Variants in TAFA2 observed in about 807,000 individuals in gnomAD.
The protein encoded by TAFA2 is chemokine-like protein TAFA-2.
A neutral mutation model predicts 18.8 loss-of-function variants in TAFA2; 7 were observed. That is an observed-to-expected ratio of 0.37 (90% CI 0.21 to 0.70). The LOEUF (loss-of-function observed/expected upper bound fraction) is 0.70. TAFA2 is among the 30% of genes least tolerant of loss of function. The pLI, the probability that TAFA2 is intolerant of heterozygous loss-of-function variation, is 0.53. For missense variants in TAFA2, 122 were observed against 158.1 expected (o/e 0.77, Z 1.23); for synonymous variants, 60 against 54.2 (o/e 1.11, Z -0.47).
intron 1 of TAFA2, among the ~76,000 whole-genome samples, chr12:61,874,123 T>C (rs897136556): frequency 2.0e-5 from 3 of 152,188 alleles, no homozygotes; most frequent in African/African-American, 4.8e-5. Context: ...AGGCACATTA[T>C]GTGTGTCAGA....
chr12:61,853,054 C>G (rs1873739839), intron 2 of TAFA2, among the ~76,000 whole-genome samples: 1 of 152,094 alleles, frequency 6.6e-6, no homozygotes, highest in Non-Finnish European at 1.5e-5. Context: ...AGTGTGCTTA[C>G]CATACACAAA....
chr12:61,714,852 T>TTGAAC (rs1565746883), intron 4 of TAFA2, among the ~76,000 whole-genome samples: 1 of 152,198 alleles, frequency 6.6e-6, no homozygotes, highest in Non-Finnish European at 1.5e-5. Flanking sequence ...TCCTGCTGAC[T>TTGAAC]AGGTTATCCG....
At chr12:62,094,294 G>T (rs2136839152) in intron 1 of TAFA2, among the ~76,000 whole-genome samples, 1 of 152,068 alleles carries the variant, frequency 6.6e-6, no homozygotes, top group Middle Eastern at 3.4e-3. Context: ...AGGATGAAAA[G>T]GCCTAAGAAT....
chr12:61,937,019 C>A (rs1877796693), intron 1 of TAFA2, among the ~76,000 whole-genome samples: 1 of 152,024 alleles, frequency 6.6e-6, no homozygotes, highest in African/African-American at 2.4e-5. Flanking sequence ...CAACAATAAC[C>A]AAGCTGAGAA....
intron 2 of TAFA2, among the ~76,000 whole-genome samples, chr12:61,787,068 A>C (rs1870769251): frequency 6.6e-6 from 1 of 151,548 alleles, no homozygotes; most frequent in Non-Finnish European, 1.5e-5. Flanking sequence ...AAAGAGATGA[A>C]AAGATTAGAT....
At chr12:61,944,373 C>T (rs1252667091) in intron 1 of TAFA2, among the ~76,000 whole-genome samples, 1 of 143,986 alleles carries the variant, frequency 6.9e-6, no homozygotes, top group Non-Finnish European at 1.5e-5. Flanking sequence ...AAATTGACAC[C>T]CTAACATCAC....
intron 1 of TAFA2, chr12:62,104,901 C>T: frequency 4.0e-6 from 1 of 247,478 alleles, no homozygotes; most frequent in Non-Finnish European, 8.3e-6. Flanking sequence ...TGGATGTTTA[C>T]ATTTCAAAAC....
chr12:62,114,202 C>T (rs965331791), intron 1 of TAFA2, among the ~76,000 whole-genome samples: 2 of 152,174 alleles, frequency 1.3e-5, no homozygotes, highest in African/African-American at 4.8e-5. Context: ...ATGCACCATT[C>T]CTCAAGACAC....
chr12:62,009,624 A>C (rs1357143331), intron 1 of TAFA2, among the ~76,000 whole-genome samples: 1 of 152,224 alleles, frequency 6.6e-6, no homozygotes, highest in African/African-American at 2.4e-5. Flanking sequence ...GTGAAAGTCT[A>C]ATATTATTTC....
chr12:62,001,920 T>A (rs180940289), intron 1 of TAFA2, among the ~76,000 whole-genome samples: 10 of 152,324 alleles, frequency 6.6e-5, no homozygotes, highest in African/African-American at 1.9e-4. Flanking sequence ...GAGGTTTTAA[T>A]ACAAATAAAA....
intron 1 of TAFA2, among the ~76,000 whole-genome samples, chr12:62,080,416 T>C (rs1868301451): frequency 6.6e-6 from 1 of 152,134 alleles, no homozygotes. Context: ...TCTTGGGGGT[T>C]GTCTTAAAAT....
At chr12:62,208,892 G>A (rs889809777) in intron 1 of TAFA2, among the ~76,000 whole-genome samples, 9 of 152,228 alleles carry the variant, frequency 5.9e-5, no homozygotes, top group Non-Finnish European at 1.0e-4. Context: ...ACAGCCTCCT[G>A]TCAACACTAC....
intron 1 of TAFA2, among the ~76,000 whole-genome samples, chr12:61,873,066 T>C (rs1874687981): frequency 6.6e-6 from 1 of 152,192 alleles, no homozygotes; most frequent in African/African-American, 2.4e-5. Context: ...TCATGGAACA[T>C]CAAGAGATGT....
At chr12:61,903,483 T>C (rs1272529819) in intron 1 of TAFA2, among the ~76,000 whole-genome samples, 1 of 152,202 alleles carries the variant, frequency 6.6e-6, no homozygotes, top group African/African-American at 2.4e-5. Context: ...ATTTTCTGAC[T>C]CCAGCATCTA....
In TAFA2 at chr12:61,973,656, C is replaced by T. The variant is rs565117918; in HGVS notation, c.-1-106230G>A. Among the ~76,000 whole-genome samples the T allele has an allele frequency of 4.0e-4, 60 of 151,680 alleles. 2 individuals carry two copies. In the South Asian group the frequency reaches 0.011, roughly 27 times the overall value. On this transcript the variant is annotated intron_variant, in intron 1 of 4. Transcript: ENST00000416284. ...GAAGCTCCCCAGGTGAGTCCAATGT[C>T]CATACAAGTTGGAAACTACTGTGTT...
intron 2 of TAFA2, among the ~76,000 whole-genome samples, chr12:61,794,131 A>G (rs1871097249): frequency 6.6e-6 from 1 of 151,938 alleles, no homozygotes; most frequent in South Asian, 2.1e-4. Flanking sequence ...TTTTTCTAAA[A>G]TCAGGAACAA....
intron 2 of TAFA2, among the ~76,000 whole-genome samples, chr12:61,806,231 C>T (rs1199022893): frequency 2.6e-5 from 4 of 152,076 alleles, no homozygotes; most frequent in Admixed American, 6.6e-5. Context: ...TGGGAGGCAC[C>T]CAGTGAAAGG....
intron 1 of TAFA2, among the ~76,000 whole-genome samples, chr12:62,039,105 C>T (rs963584649): frequency 3.3e-5 from 5 of 152,138 alleles, no homozygotes; most frequent in Admixed American, 6.6e-5. Context: ...GGATTTGAGA[C>T]GTCAGTGCAG....
At chr12:61,945,140 G>A (rs1311966274) in intron 1 of TAFA2, among the ~76,000 whole-genome samples, 4 of 114,262 alleles carry the variant, frequency 3.5e-5, no homozygotes, top group Non-Finnish European at 6.8e-5. Context: ...GGGATGCAAG[G>A]CTGGTTCAAT....
Sources: allele counts gnomAD v4.1 joint callset (sites outside exome capture counted in the v4.1 genomes callset), GRCh38; gene constraint gnomAD v4.1.1; transcripts MANE v1.5; gene names NCBI Gene and HGNC (gene_info 2026-07-23, HGNC 2026-07-21).